CNTN4: variants seen among roughly 807,000 people sequenced by gnomAD.
CNTN4 encodes the protein contactin-4.
In CNTN4, 77 loss-of-function variants were observed where a neutral mutation model predicts 122.5. The observed-to-expected ratio is 0.63, with a 90% CI of 0.52 to 0.76. The LOEUF (loss-of-function observed/expected upper bound fraction) is 0.76, where lower values mean the gene tolerates loss of function less well. CNTN4 is among the 30% of genes least tolerant of loss of function. The probability of loss-of-function intolerance (pLI) is 0.00; values close to 1 mark genes in which losing one functional copy is unlikely to be tolerated. For synonymous variants in CNTN4, 512 were observed against 447.0 expected, an observed-to-expected ratio of 1.15 and a Z score of -1.83; for missense variants, 1,256 against 1,259.1, an observed-to-expected ratio of 1.00 and a Z score of 0.04.
intron 4 of CNTN4, among the ~76,000 whole-genome samples, chr3:2,698,309 C>T (rs2086159430): frequency 6.6e-6 from 1 of 152,072 alleles, no homozygotes; most frequent in Non-Finnish European, 1.5e-5. Flanking sequence ...ATTTTCTCTC[C>T]CTTTTCCCTT....
chr3:3,055,827 CAT>C (rs1301144162), intron 24 of CNTN4, among the ~76,000 whole-genome samples: 8 of 152,202 alleles, frequency 5.3e-5, no homozygotes, highest in Non-Finnish European at 2.9e-5. Context: ...GAATCATCGA[CAT>C]AGCATGCTGT....
At position 2,208,875 on chromosome 3, in the gene CNTN4, A is replaced by G. The variant is rs185919668; in HGVS notation, c.-145+108236A>G. Among the ~76,000 whole-genome samples, 320 of 152,300 alleles carry G rather than the reference A, an allele frequency of 2.1e-3. 1 individual carries two copies. Among genetic ancestry groups the G allele is most frequent in the Non-Finnish European group, 3.4e-3 (229 of 68,030 alleles). ...TTTTTTAGCAATAAAGTATGTTTAAATGAAATATGTACATTGTTTTTTAGA... is the reference window on the plus strand; with the variant it reads ...TTTTTTAGCAATAAAGTATGTTTAAGTGAAATATGTACATTGTTTTTTAGA... On this transcript the variant is annotated intron_variant, in intron 2 of 24. Transcript: ENST00000418658.
At chr3:2,768,789 C>T (rs1437583864) in intron 6 of CNTN4, among the ~76,000 whole-genome samples, 1 of 152,146 alleles carries the variant, frequency 6.6e-6, no homozygotes, top group Non-Finnish European at 1.5e-5. Context: ...AAAGTACTTT[C>T]AAATCTGTTT....
intron 13 of CNTN4, among the ~76,000 whole-genome samples, chr3:2,947,649 G>C (rs2094693543): frequency 6.6e-6 from 1 of 152,050 alleles, no homozygotes; most frequent in Non-Finnish European, 1.5e-5. Flanking sequence ...GTCTTCATTT[G>C]CTCTGTCATA....
chr3:2,310,841 A>C (rs1348684548), intron 2 of CNTN4, among the ~76,000 whole-genome samples: 2 of 152,114 alleles, frequency 1.3e-5, no homozygotes, highest in African/African-American at 4.8e-5. Flanking sequence ...TTGAATACTG[A>C]AAAATTGTCT....
chr3:2,904,108 A>G (rs184475628), intron 12 of CNTN4, among the ~76,000 whole-genome samples: 1 of 152,348 alleles, frequency 6.6e-6, no homozygotes, highest in Non-Finnish European at 1.5e-5. Flanking sequence ...AGAGATGATA[A>G]TGACAACTGA....
intron 7 of CNTN4, among the ~76,000 whole-genome samples, chr3:2,859,905 GA>G (rs1228728138): frequency 6.6e-6 from 1 of 152,076 alleles, no homozygotes; most frequent in Non-Finnish European, 1.5e-5. Context: ...ATAGAGGCAA[GA>G]AAATAAGAAG....
At chr3:2,989,770 T>C (rs374968207) in intron 14 of CNTN4, among the ~76,000 whole-genome samples, 4 of 152,184 alleles carry the variant, frequency 2.6e-5, no homozygotes, top group East Asian at 3.8e-4. Context: ...TAGATAATAT[T>C]TGTAAAGTGC....
chr3:2,767,061 G>A (rs1337698920), intron 6 of CNTN4, among the ~76,000 whole-genome samples: 6 of 152,282 alleles, frequency 3.9e-5, no homozygotes, highest in Non-Finnish European at 7.4e-5. Flanking sequence ...GTATCACATG[G>A]ATTAAGTGAG....
At chr3:2,939,038 T>G (rs1382989899) in intron 13 of CNTN4, among the ~76,000 whole-genome samples, 1 of 152,166 alleles carries the variant, frequency 6.6e-6, no homozygotes, top group Non-Finnish European at 1.5e-5. Flanking sequence ...AGAAATAAAA[T>G]CTGCTAGACT....
intron 4 of CNTN4, among the ~76,000 whole-genome samples, chr3:2,651,050 A>G (rs2083335062): frequency 6.6e-6 from 1 of 152,228 alleles, no homozygotes; most frequent in Non-Finnish European, 1.5e-5. Context: ...GGATATTAAC[A>G]TCTTTTACTA....
chr3:2,984,668 A>G (rs575371556), intron 13 of CNTN4, among the ~76,000 whole-genome samples: 3 of 152,208 alleles, frequency 2.0e-5, no homozygotes, highest in Non-Finnish European at 4.4e-5. Context: ...AGCATGTCAG[A>G]GTTTGATACA....
At chr3:2,792,713 G>C (rs78395781) in intron 6 of CNTN4, among the ~76,000 whole-genome samples, 3 of 152,250 alleles carry the variant, frequency 2.0e-5, no homozygotes, top group South Asian at 4.2e-4. Context: ...AATATTGAAG[G>C]GTGTTTTGTT....
intron 3 of CNTN4, among the ~76,000 whole-genome samples, chr3:2,506,014 G>A (rs535308920): frequency 2.0e-5 from 3 of 148,192 alleles, no homozygotes; most frequent in Non-Finnish European, 3.0e-5. Context: ...ACAGACACTC[G>A]CTTTTTTTTT....
At chr3:2,303,522 C>T (rs1392806709) in intron 2 of CNTN4, among the ~76,000 whole-genome samples, 1 of 152,144 alleles carries the variant, frequency 6.6e-6, no homozygotes, top group Non-Finnish European at 1.5e-5. Flanking sequence ...TAGCATGTAT[C>T]AATTTCTTTT....
chr3:2,863,613 A>G (rs1012242148), intron 7 of CNTN4, among the ~76,000 whole-genome samples: 1 of 151,722 alleles, frequency 6.6e-6, no homozygotes, highest in African/African-American at 2.4e-5. Flanking sequence ...TAATCCGTAT[A>G]TTTTACTTAT....
At chr3:3,000,880 C>CTTTTTTTTTTTT (rs59337830) in intron 14 of CNTN4, among the ~76,000 whole-genome samples, 6 of 131,490 alleles carry the variant, frequency 4.6e-5, no homozygotes, top group Non-Finnish European at 6.6e-5. Flanking sequence ...TTCTTTCTTT[C>CTTTTTTTTTTTT]TTTTTTTTTT....
intron 13 of CNTN4, among the ~76,000 whole-genome samples, chr3:2,963,493 C>A (rs1190180464): frequency 6.6e-6 from 1 of 152,194 alleles, no homozygotes; most frequent in Non-Finnish European, 1.5e-5. Flanking sequence ...ATCCCACTGG[C>A]CTTTCTGTTC....
chr3:2,765,768 A>C (rs190767813), intron 6 of CNTN4, among the ~76,000 whole-genome samples: 24 of 152,308 alleles, frequency 1.6e-4, no homozygotes, highest in African/African-American at 5.8e-4. Context: ...GAGAAACCTA[A>C]TTCCTTATTC....
Sources: gnomAD v4.1 joint callset for allele counts (sites outside exome capture counted in the v4.1 genomes callset) on GRCh38, gnomAD v4.1.1 for gene constraint, MANE v1.5 for transcripts, NCBI Gene and HGNC (gene_info 2026-07-23, HGNC 2026-07-21) for gene names.